Variants in TRPM3 observed in about 807,000 individuals in gnomAD.
TRPM3 encodes long transient receptor potential channel 3.
In TRPM3, 77 loss-of-function variants were observed where a neutral mutation model predicts 181.2. That is an observed-to-expected ratio of 0.42 (90% confidence interval 0.35 to 0.51). TRPM3 has a LOEUF of 0.51. Ranked by LOEUF, TRPM3 falls within the 20% of genes least tolerant of loss-of-function variation. TRPM3 has a pLI of 0.01. For missense variants in TRPM3, 1,759 were observed against 2,196.7 expected, an observed-to-expected ratio of 0.80 and a Z score of 3.98; for synonymous variants, 745 against 796.4, an observed-to-expected ratio of 0.94 and a Z score of 1.09.
At chr9:70,645,598 T>A (rs1313674983) in intron 9 of TRPM3, among the ~76,000 whole-genome samples, 1 of 149,764 alleles carries the variant, frequency 6.7e-6, no homozygotes, top group Non-Finnish European at 1.5e-5. Context: ...CCTAAAACCA[T>A]AAAAACCCTA....
intron 22 of TRPM3, among the ~76,000 whole-genome samples, chr9:70,565,385 C>A (rs1269924915): frequency 6.6e-6 from 1 of 152,086 alleles, no homozygotes; most frequent in African/African-American, 2.4e-5. Flanking sequence ...CCTCCAACTC[C>A]TGGGTTCAAG....
intron 1 of TRPM3, among the ~76,000 whole-genome samples, chr9:71,047,103 A>T (rs1048837064): frequency 1.6e-4 from 24 of 152,230 alleles, no homozygotes; most frequent in African/African-American, 5.5e-4. Context: ...GAAATAAAAG[A>T]GTGTGTGTGT....
intron 1 of TRPM3, among the ~76,000 whole-genome samples, chr9:71,000,429 T>A (rs149441018): frequency 6.6e-6 from 1 of 152,304 alleles, no homozygotes; most frequent in East Asian, 1.9e-4. Flanking sequence ...CAGGCCTCTG[T>A]GGTATAAAAA....
chr9:70,938,253 C>T (rs1337017), intron 1 of TRPM3, among the ~76,000 whole-genome samples: 61,474 of 151,970 alleles, frequency 0.4, 12,997 homozygotes, highest in African/African-American at 0.51. Flanking sequence ...AGTCAAACCA[C>T]GTAGAAACCA....
At chr9:71,435,326 C>A (rs887000769) in intron 1 of TRPM3, among the ~76,000 whole-genome samples, 6 of 152,182 alleles carry the variant, frequency 3.9e-5, no homozygotes, top group African/African-American at 1.4e-4. Context: ...CCCTCTGTAG[C>A]AAGAAAGTCT....
intron 19 of TRPM3, among the ~76,000 whole-genome samples, chr9:70,609,076 A>C (rs1429900643): frequency 2.6e-5 from 4 of 152,234 alleles, no homozygotes; most frequent in Admixed American, 2.0e-4. Context: ...AACTGTTCTA[A>C]GTGCTTTACA....
At chr9:71,422,889 C>T (rs1243035842) in intron 1 of TRPM3, among the ~76,000 whole-genome samples, 1 of 151,882 alleles carries the variant, frequency 6.6e-6, no homozygotes, top group Non-Finnish European at 1.5e-5. Flanking sequence ...AACTTTTGAC[C>T]TTATCAGCTC....
chr9:71,314,960 G>A (rs1565453690), intron 1 of TRPM3, among the ~76,000 whole-genome samples: 1 of 152,068 alleles, frequency 6.6e-6, no homozygotes, highest in African/African-American at 2.4e-5. Flanking sequence ...TCCAAGCCAG[G>A]CTAGGCTATA....
intron 9 of TRPM3, among the ~76,000 whole-genome samples, chr9:70,668,802 G>A (rs1219699882): frequency 6.8e-6 from 1 of 147,824 alleles, no homozygotes; most frequent in Non-Finnish European, 1.5e-5. Flanking sequence ...TATTATTAAT[G>A]TAAGCTACTT....
intron 9 of TRPM3, among the ~76,000 whole-genome samples, chr9:70,657,611 G>GA (rs1194925472): frequency 6.6e-6 from 1 of 152,004 alleles, no homozygotes; most frequent in East Asian, 1.9e-4. Context: ...GTTTGCACAG[G>GA]AAAAAATCTG....
intron 1 of TRPM3, among the ~76,000 whole-genome samples, chr9:70,887,807 C>T (rs1564690751): frequency 6.6e-6 from 1 of 152,188 alleles, no homozygotes. Context: ...TACACACTCT[C>T]ATAAGCACAA....
At chr9:70,683,016 T>G (rs1446339279) in intron 8 of TRPM3, among the ~76,000 whole-genome samples, 1 of 152,154 alleles carries the variant, frequency 6.6e-6, no homozygotes, top group East Asian at 1.9e-4. Flanking sequence ...AGGTAGTTTG[T>G]TTAAGGTCAC....
chr9:70,938,549 G>A (rs1039047420), intron 1 of TRPM3, among the ~76,000 whole-genome samples: 7 of 151,756 alleles, frequency 4.6e-5, no homozygotes, highest in Non-Finnish European at 4.4e-5. Context: ...TTCTTTAAAT[G>A]GTGATATCCA....
chr9:71,258,592 AAC>A (rs1691333922), intron 1 of TRPM3, among the ~76,000 whole-genome samples: 3 of 152,192 alleles, frequency 2.0e-5, no homozygotes, highest in Non-Finnish European at 4.4e-5. Flanking sequence ...CCCGTAAAGT[AAC>A]ACTTATTTTT....
chr9:70,981,954 G>A (rs192923216), intron 1 of TRPM3, among the ~76,000 whole-genome samples: 26 of 152,232 alleles, frequency 1.7e-4, no homozygotes, highest in Non-Finnish European at 3.5e-4. Context: ...TCGAGCAGAT[G>A]GATTCTAAAG....
In TRPM3 at chr9:71,282,076, G is replaced by GAA. The variant is rs1565417635; in HGVS notation, c.183+164575_183+164576dup. Among the ~76,000 whole-genome samples the GAA allele has an allele frequency of 7.5e-3, 272 of 36,130 alleles. 4 individuals carry two copies. Among genetic ancestry groups the GAA allele is most frequent in the African/African-American group, 0.035 (257 of 7,420 alleles). 23.7% of individuals were successfully genotyped at this position (36,130 alleles called of 152,430 possible). ...AACAGAAAGAGAGAAAGAAAGGAAA[G>GAA]AAAGGAAAGAAAGAGAGAAAGAAAG... On this transcript the variant is annotated intron_variant, in intron 1 of 24. Transcript: ENST00000357533.
chr9:70,740,437 A>G (rs916729575), intron 8 of TRPM3, among the ~76,000 whole-genome samples: 1 of 152,040 alleles, frequency 6.6e-6, no homozygotes, highest in African/African-American at 2.4e-5. Flanking sequence ...TGCAATTCCC[A>G]TTGCATACCA....
intron 1 of TRPM3, among the ~76,000 whole-genome samples, chr9:71,027,889 T>C (rs894094789): frequency 6.6e-6 from 1 of 152,176 alleles, no homozygotes; most frequent in African/African-American, 2.4e-5. Flanking sequence ...TTGGAAAACA[T>C]ATTTCAGGAT....
intron 19 of TRPM3, among the ~76,000 whole-genome samples, chr9:70,604,361 A>G (rs2060616669): frequency 6.6e-6 from 1 of 152,204 alleles, no homozygotes; most frequent in South Asian, 2.1e-4. Context: ...ACCTTAAGGG[A>G]AATGGCAGAC....
Sources: gnomAD v4.1 joint callset for allele counts (sites outside exome capture counted in the v4.1 genomes callset) on GRCh38, gnomAD v4.1.1 for gene constraint, MANE v1.5 for transcripts, NCBI Gene and HGNC (gene_info 2026-07-23, HGNC 2026-07-21) for gene names.